The following COL26A1 variants were observed in gnomAD, a reference collection of about 807,000 sequenced individuals.
COL26A1 encodes collagen alpha-1(XXVI) chain.
In COL26A1, 41 loss-of-function variants were observed where a neutral mutation model predicts 59.3. That is an observed-to-expected ratio of 0.69 (90% CI 0.54 to 0.90). The LOEUF (loss-of-function observed/expected upper bound fraction) is 0.90. Among genes scored for constraint, COL26A1 ranks in the 40% least tolerant of loss-of-function variants. The pLI is 0.00. For synonymous variants in COL26A1, 266 were observed against 256.0 expected (o/e 1.04, Z -0.37); for missense variants, 612 against 602.3 (o/e 1.02, Z -0.17).
chr7:101,497,111 G>A (rs528263740), intron 3 of COL26A1, among the ~76,000 whole-genome samples: 4 of 152,068 alleles, frequency 2.6e-5, no homozygotes, highest in African/African-American at 7.2e-5. Flanking sequence ...AGTGGTGTGT[G>A]CCTGTAGTCC....
intron 3 of COL26A1, among the ~76,000 whole-genome samples, chr7:101,449,306 G>A (rs1330782665): frequency 6.6e-6 from 1 of 152,214 alleles, no homozygotes; most frequent in Non-Finnish European, 1.5e-5. Context: ...ACTTGGACCT[G>A]CCATTCTGGT....
intron 2 of COL26A1, among the ~76,000 whole-genome samples, chr7:101,438,710 G>A (rs1043939242): frequency 6.6e-6 from 1 of 151,342 alleles, no homozygotes; most frequent in African/African-American, 2.4e-5. Flanking sequence ...CAATCTTGCG[G>A]TCCAGGCTGG....
chr7:101,365,257 G>A (rs950513), intron 1 of COL26A1, among the ~76,000 whole-genome samples: 83,857 of 151,326 alleles, frequency 0.55, 24,150 homozygotes, highest in African/African-American at 0.72. Context: ...TATACAGCAC[G>A]ATTTCATTTA....
At chr7:101,403,867 G>A (rs1015834162) in intron 1 of COL26A1, among the ~76,000 whole-genome samples, 34 of 152,252 alleles carry the variant, frequency 2.2e-4, no homozygotes, top group African/African-American at 7.7e-4. Flanking sequence ...AAGCCTAGGC[G>A]GGCAGGTCAC....
At chr7:101,389,525 A>G (rs34285244) in intron 1 of COL26A1, among the ~76,000 whole-genome samples, 22,129 of 151,630 alleles carry the variant, frequency 0.15, 1,819 homozygotes, top group South Asian at 0.19. Context: ...GACTACAGGC[A>G]TGCACCACCA....
chr7:101,525,369 A>G (rs1207642427), intron 3 of COL26A1, among the ~76,000 whole-genome samples: 2 of 149,570 alleles, frequency 1.3e-5, no homozygotes, highest in Admixed American at 1.3e-4. Context: ...TTTTAATAGA[A>G]ACGGGGTTTC....
chr7:101,456,351 A>G (rs1383410646), intron 3 of COL26A1, among the ~76,000 whole-genome samples: 1 of 151,546 alleles, frequency 6.6e-6, no homozygotes, highest in Non-Finnish European at 1.5e-5. Context: ...AGCTGGGACT[A>G]CAGGTGTGCA....
At chr7:101,482,745 C>G (rs891675060) in intron 3 of COL26A1, among the ~76,000 whole-genome samples, 1 of 152,058 alleles carries the variant, frequency 6.6e-6, no homozygotes, top group Non-Finnish European at 1.5e-5. Flanking sequence ...TTACTTGAGA[C>G]CAGGAGTTCA....
chr7:101,551,196 A>AT (rs1005322631), intron 10 of COL26A1, 53 bp downstream of exon 10: 1 of 839,774 alleles, frequency 1.2e-6, no homozygotes, highest in African/African-American at 1.9e-5. Context: ...AGAGGCTCTG[A>AT]TGCAAGCCCA....
intron 1 of COL26A1, among the ~76,000 whole-genome samples, chr7:101,387,773 TA>T (rs778055644): frequency 0.041 from 2,198 of 53,856 alleles, 96 homozygotes; most frequent in African/African-American, 0.11. Context: ...TATATATATA[TA>T]TATATTTTTT....
intron 1 of COL26A1, among the ~76,000 whole-genome samples, chr7:101,380,591 C>T (rs1791423124): frequency 6.6e-6 from 1 of 152,106 alleles, no homozygotes; most frequent in Non-Finnish European, 1.5e-5. Context: ...TTTTACTTTA[C>T]TCTATGGACT....
At chr7:101,453,533 C>G (rs190122789) in intron 3 of COL26A1, among the ~76,000 whole-genome samples, 3 of 152,312 alleles carry the variant, frequency 2.0e-5, no homozygotes, top group African/African-American at 7.2e-5. Flanking sequence ...AGACCTCTGC[C>G]AGCCCCTCCC....
chr7:101,376,150 AAAAG>A (rs1791313757), intron 1 of COL26A1, among the ~76,000 whole-genome samples: 1 of 150,878 alleles, frequency 6.6e-6, no homozygotes, highest in African/African-American at 2.4e-5. Context: ...AAAAAAAAAA[AAAAG>A]AATAGAAACT....
intron 9 of COL26A1, among the ~76,000 whole-genome samples, chr7:101,550,423 T>C (rs1000609965): frequency 6.6e-6 from 1 of 152,212 alleles, no homozygotes; most frequent in Admixed American, 6.5e-5. Flanking sequence ...ATGGCACCAC[T>C]GCCCTCCAGC....
rs549368785 is a variant in COL26A1, at chr7:101,545,171, C to T, written c.704-167C>T. 6.6e-5 allele frequency among the ~76,000 whole-genome samples: 10 copies of T among 152,320 alleles called. No individual in the cohort carries two copies. The East Asian group carries it at 1.4e-3, about 21-fold the overall frequency. ...TGGGAAGGGAAGCCCATTTCATTTA[C>T]ACCCCAGGACACCCCCAAGGAAGAC... On this transcript the variant is annotated intron_variant, in intron 6 of 12. Coordinates refer to ENST00000313669, the MANE Select transcript of COL26A1 (RefSeq NM_001278563.3).
At chr7:101,379,777 G>A (rs1050055335) in intron 1 of COL26A1, among the ~76,000 whole-genome samples, 1 of 152,168 alleles carries the variant, frequency 6.6e-6, no homozygotes, top group Non-Finnish European at 1.5e-5. Flanking sequence ...ACCTCTGGTC[G>A]TCCTCACTGT....
At chr7:101,473,224 C>T (rs1010894222) in intron 3 of COL26A1, among the ~76,000 whole-genome samples, 5 of 151,990 alleles carry the variant, frequency 3.3e-5, no homozygotes, top group African/African-American at 1.2e-4. Flanking sequence ...GGACTACAGG[C>T]GCCCGCCACC....
At chr7:101,436,462 G>T (rs1382969659) in intron 2 of COL26A1, among the ~76,000 whole-genome samples, 1 of 152,130 alleles carries the variant, frequency 6.6e-6, no homozygotes, top group African/African-American at 2.4e-5. Context: ...TCGGGGGCGG[G>T]CAGGCATGGA....
At chr7:101,385,243 A>G (rs1463064608) in intron 1 of COL26A1, among the ~76,000 whole-genome samples, 1 of 147,658 alleles carries the variant, frequency 6.8e-6, no homozygotes, top group African/African-American at 2.5e-5. Flanking sequence ...ATATATATAT[A>G]TATATATACA....
Sources: allele counts gnomAD v4.1 joint callset (sites outside exome capture counted in the v4.1 genomes callset), GRCh38; gene constraint gnomAD v4.1.1; transcripts MANE v1.5; gene names NCBI Gene and HGNC (gene_info 2026-07-23, HGNC 2026-07-21).